Variants in GRIK3 observed in about 807,000 individuals in gnomAD.
The protein encoded by GRIK3 is glutamate ionotropic receptor kainate type subunit 3, also known as glutamate receptor ionotropic, kainate 3.
GRIK3 carries 29 observed loss-of-function variants against 102.5 expected under a neutral mutation model. The ratio of observed to expected loss-of-function variants is 0.28; its 90% CI spans 0.21 to 0.39. GRIK3 has a LOEUF of 0.39. GRIK3 is among the 10% of genes least tolerant of loss of function. The probability of loss-of-function intolerance (pLI) is 1.00; values close to 1 mark genes in which losing one functional copy is unlikely to be tolerated. For synonymous variants in GRIK3, 511 were observed against 504.9 expected, an observed-to-expected ratio of 1.01 and a Z score of -0.16; for missense variants, 908 against 1,252.4, an observed-to-expected ratio of 0.73 and a Z score of 4.15.
chr1:36,841,916 C>T lies in GRIK3; in HGVS notation c.1350G>A (p.Arg450=). The change falls in exon 10 of 16, where the codon CGG becomes CGA. Residue 450 remains arginine, a synonymous_variant. Transcript: ENST00000373091. ...TCCCGTATAGCGTCCTGTCTGATTT[C>T]CGAAACATGACGAAGGGCTCCTCCT... ...TVLEEPFVMF[R]KSDRTLYGND... 1 of 1,614,188 alleles carries T rather than the reference C, an allele frequency of 6.2e-7. No individual in the cohort carries two copies. Among genetic ancestry groups the T allele is most frequent in the East Asian group, 2.2e-5 (1 of 44,880 alleles).
chr1:36,916,621 C>A (rs1175218943), intron 1 of GRIK3, among the ~76,000 whole-genome samples: 2 of 152,172 alleles, frequency 1.3e-5, no homozygotes, highest in Non-Finnish European at 2.9e-5. Flanking sequence ...TAAAAGGGGA[C>A]AAGTTACACC....
chr1:37,032,926 C>T, intron 1 of GRIK3, among the ~76,000 whole-genome samples: 1 of 152,206 alleles, frequency 6.6e-6, no homozygotes, highest in African/African-American at 2.4e-5. Context: ...TGAAGAAGAG[C>T]TGTAGAGGAG....
At chr1:36,996,656 T>C (rs1175520766) in intron 1 of GRIK3, among the ~76,000 whole-genome samples, 2 of 152,184 alleles carry the variant, frequency 1.3e-5, no homozygotes, top group Non-Finnish European at 2.9e-5. Flanking sequence ...GTCTGTGGCC[T>C]CTACCTGTCA....
At chr1:36,818,559 C>A (rs1036599430) in intron 12 of GRIK3, among the ~76,000 whole-genome samples, 3 of 152,244 alleles carry the variant, frequency 2.0e-5, no homozygotes, top group African/African-American at 7.2e-5. Flanking sequence ...CTTGCCAGAC[C>A]TCTGCCCAAG....
intron 10 of GRIK3, among the ~76,000 whole-genome samples, chr1:36,832,995 T>C (rs1640328593): frequency 6.6e-6 from 1 of 152,164 alleles, no homozygotes; most frequent in African/African-American, 2.4e-5. Context: ...TTTTTATTTG[T>C]AAGTCACTGT....
intron 3 of GRIK3, among the ~76,000 whole-genome samples, chr1:36,878,320 C>T (rs1557711134): frequency 1.3e-5 from 2 of 152,212 alleles, no homozygotes; most frequent in Non-Finnish European, 2.9e-5. Context: ...GGTGAATAAG[C>T]CAGGCTGGGG....
At chr1:36,878,556 C>T (rs527244642) in intron 3 of GRIK3, among the ~76,000 whole-genome samples, 69 of 152,368 alleles carry the variant, frequency 4.5e-4, no homozygotes, top group Non-Finnish European at 7.5e-4. Flanking sequence ...CAGCTCTTGA[C>T]ATGTGGGCAG....
intron 1 of GRIK3, among the ~76,000 whole-genome samples, chr1:37,006,244 G>A (rs374364428): frequency 2.6e-5 from 4 of 152,190 alleles, no homozygotes; most frequent in Non-Finnish European, 4.4e-5. Context: ...AGACTCCAGC[G>A]GTGTTGACTG....
chr1:36,939,065 C>A (rs922607128), intron 1 of GRIK3, among the ~76,000 whole-genome samples: 1 of 152,212 alleles, frequency 6.6e-6, no homozygotes, highest in Non-Finnish European at 1.5e-5. Flanking sequence ...CACTGCCCTT[C>A]CCGCATTTGG....
At chr1:36,807,121 C>G (rs1166426686) in intron 13 of GRIK3, among the ~76,000 whole-genome samples, 1 of 152,056 alleles carries the variant, frequency 6.6e-6, no homozygotes, top group Non-Finnish European at 1.5e-5. Flanking sequence ...TACACCAGAG[C>G]CCAGGGCTGT....
At chr1:36,849,113 G>A (rs1038435793) in intron 9 of GRIK3, among the ~76,000 whole-genome samples, 1 of 152,210 alleles carries the variant, frequency 6.6e-6, no homozygotes, top group Non-Finnish European at 1.5e-5. Flanking sequence ...CCGACAGGAT[G>A]CCTGGTATCT....
intron 4 of GRIK3, among the ~76,000 whole-genome samples, chr1:36,870,630 C>T (rs1248761694): frequency 1.3e-5 from 2 of 152,202 alleles, no homozygotes; most frequent in South Asian, 2.1e-4. Context: ...ATTGGCTTAA[C>T]TTCATTTAAA....
intron 12 of GRIK3, 85 bp from the exon 13 acceptor site, chr1:36,817,362 A>G: frequency 1.1e-6 from 1 of 906,060 alleles, no homozygotes; most frequent in Non-Finnish European, 1.8e-6. Context: ...TTCCTCTGAT[A>G]CTCTAATGAA....
At chr1:36,879,513 C>G (rs980463961) in intron 3 of GRIK3, among the ~76,000 whole-genome samples, 1 of 152,140 alleles carries the variant, frequency 6.6e-6, no homozygotes, top group Admixed American at 6.5e-5. Context: ...ATCTCCAGCT[C>G]CTAGCAATGA....
At chr1:36,904,495 C>G (rs1027978120) in intron 1 of GRIK3, among the ~76,000 whole-genome samples, 1 of 152,052 alleles carries the variant, frequency 6.6e-6, no homozygotes, top group South Asian at 2.1e-4. Flanking sequence ...GATCAAAATA[C>G]CATATGACCC....
At chr1:36,818,389 G>A (rs1001152203) in intron 12 of GRIK3, among the ~76,000 whole-genome samples, 62 of 152,322 alleles carry the variant, frequency 4.1e-4, no homozygotes, top group African/African-American at 1.5e-3. Context: ...TCCCTTGAAA[G>A]CTGCCTGTCA....
intron 1 of GRIK3, among the ~76,000 whole-genome samples, chr1:36,956,876 C>T (rs1370862884): frequency 2.0e-5 from 3 of 152,226 alleles, no homozygotes; most frequent in Non-Finnish European, 4.4e-5. Flanking sequence ...GCTTTGTGTC[C>T]TCTGTTTTAC....
chr1:36,856,370 T>C (rs1302408770), intron 7 of GRIK3, among the ~76,000 whole-genome samples: 2 of 152,226 alleles, frequency 1.3e-5, no homozygotes, highest in African/African-American at 4.8e-5. Flanking sequence ...CTCCTCCCAG[T>C]GACATTTCCT....
chr1:36,999,669 C>T (rs1466309240), intron 1 of GRIK3, among the ~76,000 whole-genome samples: 1 of 152,194 alleles, frequency 6.6e-6, no homozygotes, highest in Non-Finnish European at 1.5e-5. Flanking sequence ...GAGCCCGCTC[C>T]TACAGAAAGC....
Sources: allele counts gnomAD v4.1 joint callset (sites outside exome capture counted in the v4.1 genomes callset), GRCh38; gene constraint gnomAD v4.1.1; transcripts MANE v1.5; gene names NCBI Gene and HGNC (gene_info 2026-07-23, HGNC 2026-07-21).